The following CALN1 variants were observed in gnomAD, a reference collection of about 807,000 sequenced individuals.
The protein encoded by CALN1 is calneuron 1.
CALN1 carries 17 observed loss-of-function variants against 30.6 expected under a neutral mutation model. That is an observed-to-expected ratio of 0.56 (90% CI 0.38 to 0.83). The LOEUF (loss-of-function observed/expected upper bound fraction) is 0.83. CALN1 is among the 40% of genes least tolerant of loss of function. The pLI, the probability that CALN1 is intolerant of heterozygous loss-of-function variation, is 0.00. For missense variants in CALN1, 291 were observed against 354.9 expected, an observed-to-expected ratio of 0.82 and a Z score of 1.45; for synonymous variants, 156 against 131.4, an observed-to-expected ratio of 1.19 and a Z score of -1.28.
At chr7:72,138,917 A>C (rs1809692164) in intron 3 of CALN1, among the ~76,000 whole-genome samples, 1 of 152,186 alleles carries the variant, frequency 6.6e-6, no homozygotes, top group Non-Finnish European at 1.5e-5. Context: ...ATTCAATGAA[A>C]AACAAAATAT....
intron 2 of CALN1, among the ~76,000 whole-genome samples, chr7:72,319,949 A>G (rs1372060469): frequency 2.6e-5 from 4 of 152,134 alleles, no homozygotes; most frequent in Non-Finnish European, 2.9e-5. Context: ...AGACTTCATC[A>G]CTAGGCACAG....
chr7:72,140,382 G>GGGAA (rs1809835807), intron 3 of CALN1, among the ~76,000 whole-genome samples: 3 of 138,992 alleles, frequency 2.2e-5, no homozygotes, highest in Non-Finnish European at 4.7e-5. Context: ...GAGGGAGGGA[G>GGGAA]GATGGAAGAA....
At chr7:71,979,508 G>A (rs1443291854) in intron 5 of CALN1, among the ~76,000 whole-genome samples, 2 of 152,060 alleles carry the variant, frequency 1.3e-5, no homozygotes, top group Non-Finnish European at 2.9e-5. Context: ...AGACTCTAAC[G>A]CTGCCGCTGA....
In CALN1 at chr7:72,359,976, C is replaced by CAAAAAAAAAAAAAAAAAAA. The variant is rs750054515; in HGVS notation, c.119+43274_119+43275insTTTTTTTTTTTTTTTTTTT. 3.8e-4 allele frequency among the ~76,000 whole-genome samples: 24 copies of CAAAAAAAAAAAAAAAAAAA among 63,928 alleles called. 1 individual carries two copies. The highest frequency in any genetic ancestry group is 1.9e-3 in the African/African-American group (22 of 11,662). The allele number at this position is 63,928 out of a possible 152,430, so 41.9% of individuals were successfully genotyped here. ...TGGGTGACAGAGTGAGACTCCATCTCAAAAAAAAAAAAAAACCAAAGTTGA... is the reference window on the plus strand; with the variant it reads ...TGGGTGACAGAGTGAGACTCCATCTCAAAAAAAAAAAAAAAAAAAAAAAAAAAAAAAAAACCAAAGTTGA... On this transcript the variant is annotated intron_variant, in intron 2 of 6. Transcript: ENST00000395275.
chr7:71,869,212 A>G (rs1249433181), intron 5 of CALN1, among the ~76,000 whole-genome samples: 2 of 149,750 alleles, frequency 1.3e-5, no homozygotes, highest in African/African-American at 2.5e-5. Context: ...TGGAAAAAAC[A>G]CTTTTTTTTT....
chr7:72,036,923 C>A (rs1272009107), intron 4 of CALN1, among the ~76,000 whole-genome samples: 1 of 152,034 alleles, frequency 6.6e-6, no homozygotes, highest in African/African-American at 2.4e-5. Flanking sequence ...ATTCTCCCCT[C>A]TCCCAAGGAT....
At chr7:71,897,231 G>A (rs2116916635) in intron 5 of CALN1, among the ~76,000 whole-genome samples, 1 of 152,284 alleles carries the variant, frequency 6.6e-6, no homozygotes, top group Non-Finnish European at 1.5e-5. Flanking sequence ...TAATTTTGGT[G>A]TTTATTGTTT....
intron 5 of CALN1, among the ~76,000 whole-genome samples, chr7:71,954,247 C>T (rs1796846921): frequency 6.6e-6 from 1 of 152,006 alleles, no homozygotes; most frequent in Non-Finnish European, 1.5e-5. Context: ...CATGTGAGGT[C>T]AGGAGTTCAA....
At chr7:72,455,508 A>G in the CALN1 span, among the ~76,000 whole-genome samples, 1 of 152,104 alleles carries the variant, frequency 6.6e-6, no homozygotes, top group Non-Finnish European at 1.5e-5. Flanking sequence ...CGAGGGAGAT[A>G]AAGCCCTCTT....
chr7:71,809,312 C>G (rs895204610), intron 6 of CALN1, among the ~76,000 whole-genome samples: 1 of 151,842 alleles, frequency 6.6e-6, no homozygotes, highest in African/African-American at 2.4e-5. Context: ...AGTTCTGGTG[C>G]CTGGGACCAG....
chr7:72,089,419 G>C lies in CALN1; in HGVS notation c.388+16732C>G, dbSNP rs540437412. On this transcript the variant is annotated intron_variant, in intron 4 of 6. Coordinates refer to ENST00000395275, the MANE Select transcript of CALN1 (RefSeq NM_031468.4). Reference sequence around the variant, plus strand: ...CAGGAGAACCCCCACAAAACAAAATGACGGAATTAAGACTCAGCCTTAATG... The same window carrying C: ...CAGGAGAACCCCCACAAAACAAAATCACGGAATTAAGACTCAGCCTTAATG... Among the ~76,000 whole-genome samples, 164 of 152,174 alleles carry C rather than the reference G, an allele frequency of 1.1e-3. 1 individual carries two copies. The highest frequency in any genetic ancestry group is 4.3e-3 in the Admixed American group (66 of 15,260).
intron 2 of CALN1, among the ~76,000 whole-genome samples, chr7:72,315,804 G>C (rs1227977032): frequency 6.6e-6 from 1 of 152,088 alleles, no homozygotes; most frequent in Non-Finnish European, 1.5e-5. Flanking sequence ...AATTAAAATA[G>C]GAAAAAGCTT....
chr7:71,949,377 G>C (rs769872999), intron 5 of CALN1, among the ~76,000 whole-genome samples: 1 of 151,910 alleles, frequency 6.6e-6, no homozygotes, highest in Non-Finnish European at 1.5e-5. Context: ...TGGAAACCTC[G>C]AGAGGGTTTT....
intron 2 of CALN1, among the ~76,000 whole-genome samples, chr7:72,367,415 G>A (rs1195777807): frequency 6.6e-6 from 1 of 152,142 alleles, no homozygotes; most frequent in African/African-American, 2.4e-5. Flanking sequence ...CTTCAGCCCA[G>A]GAATTTGAGA....
At chr7:71,909,715 T>C (rs537882049) in intron 5 of CALN1, among the ~76,000 whole-genome samples, 1 of 152,266 alleles carries the variant, frequency 6.6e-6, no homozygotes, top group Non-Finnish European at 1.5e-5. Context: ...ACGTTTGGTA[T>C]CACTTGGTTT....
At chr7:71,970,574 C>A (rs1022664253) in intron 5 of CALN1, among the ~76,000 whole-genome samples, 1 of 150,966 alleles carries the variant, frequency 6.6e-6, no homozygotes, top group African/African-American at 2.5e-5. Context: ...CTTGTATCTG[C>A]AAAATATACC....
chr7:72,056,120 T>C (rs564411653), intron 4 of CALN1, among the ~76,000 whole-genome samples: 1 of 148,054 alleles, frequency 6.8e-6, no homozygotes, highest in South Asian at 2.2e-4. Context: ...AAGAATACCA[T>C]GCTTCCTGGT....
chr7:72,126,594 T>C (rs1411640286), intron 3 of CALN1, among the ~76,000 whole-genome samples: 1 of 152,138 alleles, frequency 6.6e-6, no homozygotes, highest in Non-Finnish European at 1.5e-5. Context: ...TGTAGTCTTT[T>C]ACCCCTCACC....
At chr7:71,802,208 A>G (rs940012132) in intron 6 of CALN1, among the ~76,000 whole-genome samples, 2 of 152,152 alleles carry the variant, frequency 1.3e-5, no homozygotes, top group Non-Finnish European at 2.9e-5. Context: ...GAATCTGGTG[A>G]CCGGCAAATA....
Sources: allele counts gnomAD v4.1 joint callset (sites outside exome capture counted in the v4.1 genomes callset), GRCh38; gene constraint gnomAD v4.1.1; transcripts MANE v1.5; gene names NCBI Gene and HGNC (gene_info 2026-07-23, HGNC 2026-07-21).